Variants in EPB41L2 observed in about 807,000 individuals in gnomAD.
EPB41L2 encodes the protein band 4.1-like protein 2.
EPB41L2 carries 43 observed loss-of-function variants against 113.0 expected under a neutral mutation model. That is an observed-to-expected ratio of 0.38 (90% CI 0.30 to 0.49). The LOEUF (loss-of-function observed/expected upper bound fraction) is 0.49, where lower values mean the gene tolerates loss of function less well. Ranked by LOEUF, EPB41L2 falls within the 20% of genes least tolerant of loss-of-function variation. The probability of loss-of-function intolerance (pLI) is 0.95; values close to 1 mark genes in which losing one functional copy is unlikely to be tolerated. For missense variants in EPB41L2, 1,147 were observed against 1,223.4 expected (o/e 0.94, Z 0.93); for synonymous variants, 442 against 436.7 (o/e 1.01, Z -0.15).
At chr6:130,948,432 T>C (rs1384356687) in intron 3 of EPB41L2, among the ~76,000 whole-genome samples, 1 of 152,026 alleles carries the variant, frequency 6.6e-6, no homozygotes, top group East Asian at 1.9e-4. Flanking sequence ...CGAGTAGGCA[T>C]AGTGATTAGC....
At chr6:130,840,971 A>C (rs1468511109) in intron 19 of EPB41L2, among the ~76,000 whole-genome samples, 1 of 152,184 alleles carries the variant, frequency 6.6e-6, no homozygotes, top group East Asian at 1.9e-4. Context: ...CTTTGTGCTA[A>C]AACGAATGGA....
chr6:130,964,124 C>T (rs190521717), intron 1 of EPB41L2, among the ~76,000 whole-genome samples: 13 of 151,634 alleles, frequency 8.6e-5, no homozygotes, highest in African/African-American at 2.4e-4. Context: ...CGGGTTCAAG[C>T]GACTCTCCTG....
intron 1 of EPB41L2, among the ~76,000 whole-genome samples, chr6:130,991,044 T>C (rs1016635809): frequency 1.3e-5 from 2 of 152,218 alleles, no homozygotes; most frequent in Admixed American, 1.3e-4. Flanking sequence ...TTATCCAGGA[T>C]GGTCTCAATC....
intron 5 of EPB41L2, among the ~76,000 whole-genome samples, chr6:130,906,440 C>T (rs1797750830): frequency 1.3e-5 from 2 of 152,188 alleles, no homozygotes; most frequent in Admixed American, 6.5e-5. Context: ...TCTTCACATA[C>T]TATTTTTGCA....
intron 19 of EPB41L2, among the ~76,000 whole-genome samples, chr6:130,842,551 C>T (rs1775846618): frequency 6.6e-6 from 1 of 152,066 alleles, no homozygotes; most frequent in African/African-American, 2.4e-5. Context: ...AAAAAACAAA[C>T]CCCTGATGCT....
intron 11 of EPB41L2, among the ~76,000 whole-genome samples, chr6:130,888,498 A>G (rs1791765350): frequency 6.6e-6 from 1 of 152,192 alleles, no homozygotes; most frequent in South Asian, 2.1e-4. Context: ...GTATACCTCA[A>G]AGAAAATGCT....
chr6:130,959,612 T>C (rs936642554), intron 1 of EPB41L2, among the ~76,000 whole-genome samples: 1 of 152,350 alleles, frequency 6.6e-6, no homozygotes, highest in Non-Finnish European at 1.5e-5. Flanking sequence ...TTCAAAAGTA[T>C]GTCTTCCAGC....
At position 131,051,465 on chromosome 6, in the gene EPB41L2, A is replaced by AACAC. The variant is rs201389745; in HGVS notation, c.-15+11686_-15+11689dup. Among the ~76,000 whole-genome samples, 10 of 143,634 alleles carry AACAC rather than the reference A, an allele frequency of 7.0e-5. No individual in the cohort carries two copies. In the East Asian group the frequency reaches 2.0e-3, roughly 28 times the overall value. 94.2% of individuals were successfully genotyped at this position (143,634 alleles called of 152,430 possible). A position where few individuals can be genotyped will look rare whatever the true frequency, so the allele number is the denominator to read the frequency against. On this transcript the variant is annotated intron_variant, in intron 1 of 19. Coordinates refer to ENST00000337057, the MANE Select transcript of EPB41L2 (RefSeq NM_001431.4). ...ACAAAAGTAAAGCAAAAAAAAAAAAAACACACACACACACACACACAACAG... is the reference window on the plus strand; with the variant it reads ...ACAAAAGTAAAGCAAAAAAAAAAAAAACACACACACACACACACACACACAACAG...
chr6:130,943,411 T>C (rs74998016), intron 3 of EPB41L2, among the ~76,000 whole-genome samples: 1,903 of 152,334 alleles, frequency 0.012, 39 homozygotes, highest in African/African-American at 0.042. Context: ...CCTGAAGTAA[T>C]TTTCATTCCA....
chr6:130,862,301 A>G (rs564101531), intron 18 of EPB41L2, among the ~76,000 whole-genome samples: 11 of 147,972 alleles, frequency 7.4e-5, no homozygotes, highest in African/African-American at 1.3e-4. Flanking sequence ...CAATGGGGAG[A>G]GGGGGGTGGA....
intron 1 of EPB41L2, among the ~76,000 whole-genome samples, chr6:131,039,093 C>G (rs1022931854): frequency 6.6e-6 from 1 of 152,094 alleles, no homozygotes; most frequent in Non-Finnish European, 1.5e-5. Flanking sequence ...TTTAAACTCT[C>G]GATGAAACCT....
Position 130,911,138 on chromosome 6 carries a change from A to G in EPB41L2, c.811-2275T>C, listed in dbSNP as rs544063443. Among the ~76,000 whole-genome samples the G allele has an allele frequency of 9.8e-5, 15 of 152,358 alleles. No homozygotes were observed. The South Asian group carries it at 2.9e-3, about 29-fold the overall frequency. On this transcript the variant is annotated intron_variant, in intron 4 of 19. Transcript: ENST00000337057. ...TTGGAACCAACTCAAATGCCTATCA[A>G]TGATAGACTGGATAAAGAAAATGTG...
intron 3 of EPB41L2, among the ~76,000 whole-genome samples, chr6:130,952,494 A>T (rs1384892175): frequency 2.0e-5 from 3 of 152,088 alleles, no homozygotes; most frequent in Non-Finnish European, 4.4e-5. Context: ...ACAAGAAGGA[A>T]AAGATGAGAA....
intron 1 of EPB41L2, among the ~76,000 whole-genome samples, chr6:131,002,813 A>G (rs1210923634): frequency 6.6e-6 from 1 of 152,208 alleles, no homozygotes; most frequent in Non-Finnish European, 1.5e-5. Flanking sequence ...TTAACTAAAC[A>G]GCTGTGTTTG....
At chr6:130,870,677 A>G (rs1478722138) in intron 14 of EPB41L2, among the ~76,000 whole-genome samples, 1 of 152,254 alleles carries the variant, frequency 6.6e-6, no homozygotes, top group East Asian at 1.9e-4. Context: ...AAGCTGACTC[A>G]TCATTTTAAA....
chr6:130,843,379 G>A (rs1422357857), intron 19 of EPB41L2, among the ~76,000 whole-genome samples: 1 of 152,170 alleles, frequency 6.6e-6, no homozygotes, highest in Non-Finnish European at 1.5e-5. Context: ...CTGAAAACTA[G>A]GCAATGGCTC....
chr6:130,951,457 T>C (rs1562567488), intron 3 of EPB41L2, among the ~76,000 whole-genome samples: 1 of 150,762 alleles, frequency 6.6e-6, no homozygotes, highest in Non-Finnish European at 1.5e-5. Flanking sequence ...CCCCAGTAGC[T>C]GGGATTATAG....
chr6:130,924,057 T>C (rs117602120), intron 4 of EPB41L2, among the ~76,000 whole-genome samples: 3,242 of 152,294 alleles, frequency 0.021, 64 homozygotes, highest in Middle Eastern at 0.051. Context: ...ATACCTCATA[T>C]AAGTGGAATC....
chr6:130,888,263 A>G (rs1791681137), intron 11 of EPB41L2, among the ~76,000 whole-genome samples: 1 of 152,178 alleles, frequency 6.6e-6, no homozygotes, highest in Non-Finnish European at 1.5e-5. Context: ...CTGGTCATGT[A>G]TTGGCGTTAA....
Sources: gnomAD v4.1 joint callset for allele counts (sites outside exome capture counted in the v4.1 genomes callset) on GRCh38, gnomAD v4.1.1 for gene constraint, MANE v1.5 for transcripts, NCBI Gene and HGNC (gene_info 2026-07-23, HGNC 2026-07-21) for gene names.